SRGAP1: variants seen among roughly 807,000 people sequenced by gnomAD.
The protein encoded by SRGAP1 is SLIT-ROBO Rho GTPase-activating protein 1.
A neutral mutation model predicts 121.9 loss-of-function variants in SRGAP1; 43 were observed. The observed-to-expected ratio is 0.35, with a 90% CI of 0.28 to 0.46. SRGAP1 has a LOEUF of 0.46. Ranked by LOEUF, SRGAP1 falls within the 20% of genes least tolerant of loss-of-function variation. The pLI, the probability that SRGAP1 is intolerant of heterozygous loss-of-function variation, is 1.00. For synonymous variants in SRGAP1, 447 were observed against 485.4 expected (o/e 0.92, Z 1.04); for missense variants, 1,102 against 1,350.9 (o/e 0.82, Z 2.89).
At position 64,146,100 on chromosome 12, in the gene SRGAP1, C is replaced by A. The variant is rs912879686; in HGVS notation, c.*3428C>A. 6 of 152,168 alleles carry A rather than the reference C, an allele frequency of 3.9e-5. No individual in the cohort carries two copies. Among genetic ancestry groups the A allele is most frequent in the African/African-American group, 1.4e-4 (6 of 41,440 alleles). The allele number at this position is 152,168 out of a possible 1,614,324, so 9.4% of individuals were successfully genotyped here. A position where few individuals can be genotyped will look rare whatever the true frequency, so the allele number is the denominator to read the frequency against. ...GATAGAGAGAAAGGTGTACTTAGTA[C>A]ACATTTTCTAATGGGCGTTACGTGA... On this transcript the variant is annotated 3_prime_UTR_variant, in exon 22 of 22. Coordinates refer to ENST00000355086, the MANE Select transcript of SRGAP1 (RefSeq NM_020762.4).
rs564494920 is a variant in SRGAP1, at chr12:63,987,010, T to C, written c.263+2868T>C. On this transcript the variant is annotated intron_variant, in intron 2 of 21. Coordinates refer to ENST00000355086, the MANE Select transcript of SRGAP1 (RefSeq NM_020762.4). ...AAAGTCAGCCAGACTTGGGTTTGAA[T>C]ATTGGCTCCACTTTGTGACTTTGGT... Among the ~76,000 whole-genome samples, 4 of 152,340 alleles carry C rather than the reference T, an allele frequency of 2.6e-5. No homozygotes were observed. In the East Asian group the frequency reaches 7.7e-4, roughly 29 times the overall value.
rs190753864 is a variant in SRGAP1, at chr12:64,109,048, G to C, written c.1919+11G>C. On this transcript the variant is annotated intron_variant, in intron 16 of 21. Coordinates refer to ENST00000355086, the MANE Select transcript of SRGAP1 (RefSeq NM_020762.4). ...TGCCTTCCTCAATCAGTAAGTACCTGAATGCTCTGACAAAAGGCCCATCTG... is the reference window on the plus strand; with the variant it reads ...TGCCTTCCTCAATCAGTAAGTACCTCAATGCTCTGACAAAAGGCCCATCTG... 7 of 1,493,986 alleles carry C rather than the reference G, an allele frequency of 4.7e-6. No homozygotes were observed. The East Asian group carries it at 1.2e-4, about 25-fold the overall frequency. The allele number at this position is 1,493,986 out of a possible 1,614,324, so 92.5% of individuals were successfully genotyped here. A position where few individuals can be genotyped will look rare whatever the true frequency, so the allele number is the denominator to read the frequency against.
At chr12:64,121,901 C>T (rs1342267432) in intron 18 of SRGAP1, among the ~76,000 whole-genome samples, 1 of 152,190 alleles carries the variant, frequency 6.6e-6, no homozygotes, top group East Asian at 1.9e-4. Flanking sequence ...CCTCCAAAAT[C>T]CTATAACTAA....
At chr12:64,064,446 T>C (rs1196124305) in intron 7 of SRGAP1, among the ~76,000 whole-genome samples, 1 of 152,224 alleles carries the variant, frequency 6.6e-6, no homozygotes, top group Non-Finnish European at 1.5e-5. Context: ...AAGTTCATGG[T>C]GAATCACGTG....
chr12:64,129,359 T>C (rs1200150460), intron 21 of SRGAP1, among the ~76,000 whole-genome samples: 2 of 152,160 alleles, frequency 1.3e-5, no homozygotes, highest in Non-Finnish European at 2.9e-5. Context: ...GCTAGGCCAG[T>C]CTAACCTTTT....
At chr12:63,903,909 A>G (rs141939977) in intron 1 of SRGAP1, among the ~76,000 whole-genome samples, 31 of 152,344 alleles carry the variant, frequency 2.0e-4, no homozygotes, top group Non-Finnish European at 4.1e-4. Flanking sequence ...CTGGGATTAC[A>G]GGCATGAGCC....
At chr12:63,932,992 A>G (rs1432669063) in intron 1 of SRGAP1, among the ~76,000 whole-genome samples, 1 of 152,184 alleles carries the variant, frequency 6.6e-6, no homozygotes, top group Non-Finnish European at 1.5e-5. Context: ...GATTGTGACC[A>G]TCCTGGCCAA....
rs553404650 is a variant in SRGAP1 at position 64,160,355 on chromosome 12, T to A, written c.*17683T>A. 6.6e-6 allele frequency: 1 copy of A among 152,330 alleles called. No homozygotes were observed. The allele number at this position is 152,330 out of a possible 1,614,324, so 9.4% of individuals were successfully genotyped here. On this transcript the variant is annotated 3_prime_UTR_variant, in exon 22 of 22. Transcript: ENST00000355086. The stretch of plus-strand genomic sequence containing the variant: ...GTCTAGAAAGTGTCTTTATCTCACA[T>A]GTAATTGTGATAGTCTGGCTGAGTA...
chr12:64,074,388 T>C (rs1403105952), intron 8 of SRGAP1, among the ~76,000 whole-genome samples: 3 of 152,232 alleles, frequency 2.0e-5, no homozygotes, highest in Non-Finnish European at 4.4e-5. Context: ...TGAGGGCCTT[T>C]ATTTTTTGTT....
At chr12:64,085,016 G>C (rs1453920624) in intron 10 of SRGAP1, among the ~76,000 whole-genome samples, 1 of 152,146 alleles carries the variant, frequency 6.6e-6, no homozygotes, top group African/African-American at 2.4e-5. Context: ...ATCTTTCAAA[G>C]TATTTGCCAG....
intron 1 of SRGAP1, among the ~76,000 whole-genome samples, chr12:63,886,306 C>T (rs189884862): frequency 1.6e-4 from 24 of 152,198 alleles, no homozygotes; most frequent in African/African-American, 5.3e-4. Context: ...AAGTGATCCA[C>T]GCCCTTTGGC....
chr12:64,126,496 A>G (rs894753716), intron 19 of SRGAP1, among the ~76,000 whole-genome samples: 1 of 152,246 alleles, frequency 6.6e-6, no homozygotes, highest in Non-Finnish European at 1.5e-5. Flanking sequence ...TTTCAATTCC[A>G]GATTCCCCAG....
Position 64,017,018 on chromosome 12 carries a change from G to A in SRGAP1, c.489+6G>A. On this transcript the variant is annotated splice_donor_region_variant and intron_variant, in intron 4 of 21. Transcript: ENST00000355086. ...TTCTTAATGAGCTTTATACGGTAAGGACATAATCTTTCTTCTTTTCTAGAA... is the reference window on the plus strand; with the variant it reads ...TTCTTAATGAGCTTTATACGGTAAGAACATAATCTTTCTTCTTTTCTAGAA... 2.0e-6 allele frequency: 3 copies of A among 1,484,022 alleles called. No homozygotes were observed. Among genetic ancestry groups the A allele is most frequent in the Non-Finnish European group, 1.9e-6 (2 of 1,078,230 alleles). The allele number at this position is 1,484,022 out of a possible 1,614,324, so 91.9% of individuals were successfully genotyped here. A position where few individuals can be genotyped will look rare whatever the true frequency, so the allele number is the denominator to read the frequency against.
chr12:63,893,463 T>G (rs150544941), intron 1 of SRGAP1, among the ~76,000 whole-genome samples: 102 of 152,322 alleles, frequency 6.7e-4, no homozygotes, highest in Non-Finnish European at 1.1e-3. Flanking sequence ...AAGAATAAAG[T>G]AAGTTTCGGG....
Position 63,962,784 on chromosome 12 carries a change from A to C in SRGAP1, c.68-21163A>C, listed in dbSNP as rs113730262. Among the ~76,000 whole-genome samples, 1,056 of 152,308 alleles carry C rather than the reference A, an allele frequency of 6.9e-3. 9 individuals carry two copies. Among genetic ancestry groups the C allele is most frequent in the African/African-American group, 0.024 (1,004 of 41,566 alleles). On this transcript the variant is annotated intron_variant, in intron 1 of 21. Coordinates refer to ENST00000355086, the MANE Select transcript of SRGAP1 (RefSeq NM_020762.4). ...AACTGCATTGTCCAATATGGCAGCT[A>C]CTGGCCCTTCGTGGCTATTCAGGGT...
At chr12:64,126,401 C>T (rs2036688236) in intron 19 of SRGAP1, among the ~76,000 whole-genome samples, 1 of 152,154 alleles carries the variant, frequency 6.6e-6, no homozygotes, top group Non-Finnish European at 1.5e-5. Flanking sequence ...AGAAAAATAA[C>T]CTATGCATAG....
intron 18 of SRGAP1, among the ~76,000 whole-genome samples, chr12:64,124,928 A>G (rs759345317): frequency 2.6e-5 from 4 of 152,204 alleles, no homozygotes; most frequent in Non-Finnish European, 5.9e-5. Flanking sequence ...TGACAATGAT[A>G]CAAACCATTC....
At chr12:63,951,835 T>A (rs1239442514) in intron 1 of SRGAP1, among the ~76,000 whole-genome samples, 1 of 152,250 alleles carries the variant, frequency 6.6e-6, no homozygotes, top group African/African-American at 2.4e-5. Context: ...CTTTTCAGAC[T>A]TAGTAACTGA....
At position 64,137,979 on chromosome 12, in the gene SRGAP1, TATAA is replaced by T. The variant is rs1297638629; in HGVS notation, c.2881-4314_2881-4311del. Among the ~76,000 whole-genome samples, 1,061 of 147,390 alleles carry T rather than the reference TATAA, an allele frequency of 7.2e-3. 19 individuals are homozygous for T. The highest frequency in any genetic ancestry group is 0.024 in the African/African-American group (985 of 40,552). ...AAAAAAAAATATATATATATATATATATAAAAAATAATAAAATTGACAATCTTAA... is the reference window on the plus strand; with the variant it reads ...AAAAAAAAATATATATATATATATATAAAATAATAAAATTGACAATCTTAA... On this transcript the variant is annotated intron_variant, in intron 21 of 21. Coordinates refer to ENST00000355086, the MANE Select transcript of SRGAP1 (RefSeq NM_020762.4).
Sources: gnomAD v4.1 joint callset for allele counts (sites outside exome capture counted in the v4.1 genomes callset) on GRCh38, gnomAD v4.1.1 for gene constraint, MANE v1.5 for transcripts, NCBI Gene and HGNC (gene_info 2026-07-23, HGNC 2026-07-21) for gene names.